The following GSS variants were observed in gnomAD, a reference collection of about 807,000 sequenced individuals.
GSS encodes GSH synthetase.
GSS carries 34 observed loss-of-function variants against 60.4 expected under a neutral mutation model. The ratio of observed to expected loss-of-function variants is 0.56; its 90% CI spans 0.43 to 0.75. GSS has a LOEUF of 0.75. Ranked by LOEUF, GSS falls within the 30% of genes least tolerant of loss-of-function variation. The pLI is 0.00. For synonymous variants in GSS, 224 were observed against 239.0 expected (o/e 0.94, Z 0.58); for missense variants, 499 against 595.1 (o/e 0.84, Z 1.68).
chr20:34,932,052 T>C lies in GSS; in HGVS notation c.916A>G (p.Lys306Glu), dbSNP rs1440600097. 2.2e-5 allele frequency: 35 copies of C among 1,614,010 alleles called. No individual in the cohort carries two copies. The highest frequency in any genetic ancestry group is 3.0e-5 in the Non-Finnish European group (35 of 1,180,004). ...DIATQLAGTKKVQQELSRPGM... is the reference protein window; with the variant it reads ...DIATQLAGTKEVQQELSRPGM... ...GGCCTGCTTAGCTCCTGCTGCACCT[T>C]CTTAGTCCCAGCCAGCTGGGTGGCA... Residue 306 changes from lysine (K) to glutamate (E), a missense_variant, in exon 10 of 13, where the codon AAG becomes GAG. By Grantham distance (56) the Lys-to-Glu change is moderately conservative (BLOSUM62 1). Coordinates refer to ENST00000651619, the MANE Select transcript of GSS (RefSeq NM_000178.4).
chr20:34,930,416 A>G (rs2081391899), intron 11 of GSS, among the ~76,000 whole-genome samples: 1 of 151,990 alleles, frequency 6.6e-6, no homozygotes, highest in East Asian at 1.9e-4. Flanking sequence ...CCTACTCCCA[A>G]TCAGGCAAAA....
chr20:34,952,921 G>A (rs950853578), intron 1 of GSS: 2 of 152,180 alleles, frequency 1.3e-5, no homozygotes, highest in African/African-American at 2.4e-5. Flanking sequence ...AAACCAGAAG[G>A]AATCTTAGTA....
chr20:34,955,989 G>C (rs764594987), upstream of GSS: 1 of 152,322 alleles, frequency 6.6e-6, no homozygotes, highest in Admixed American at 6.5e-5. Context: ...GGACCATCGG[G>C]GTCGGCGGGG....
rs1269355109 is a variant in GSS at position 34,935,704 on chromosome 20, A to G, written c.768-62T>C. The G allele has an allele frequency of 4.6e-6, 6 of 1,302,594 alleles. No individual in the cohort carries two copies. In the Admixed American group the frequency reaches 6.8e-5, roughly 15 times the overall value. The allele number at this position is 1,302,594 out of a possible 1,614,324, so 80.7% of individuals were successfully genotyped here. On this transcript the variant is annotated intron_variant, in intron 8 of 12. Coordinates refer to ENST00000651619, the MANE Select transcript of GSS (RefSeq NM_000178.4). The stretch of plus-strand genomic sequence containing the variant: ...TATAACTGATTTGTTCAGTGGTTCA[A>G]TCTATTTCAGGGTGCATCAAGATGA...
chr20:34,931,287 C>T (rs1478187888), intron 11 of GSS, 49 bp downstream of exon 11: 1 of 1,419,484 alleles, frequency 7.0e-7, no homozygotes, highest in African/African-American at 1.4e-5. Context: ...CTGGCCACAG[C>T]CTGCTAGTCC....
chr20:34,946,864 G>A (rs542453251), intron 2 of GSS: 3 of 152,272 alleles, frequency 2.0e-5, no homozygotes, highest in East Asian at 1.9e-4. Flanking sequence ...TATCATAGAC[G>A]AGAAACCCAA....
In GSS at chr20:34,928,712, C is replaced by T; in HGVS notation, c.*116G>A. The T allele has an allele frequency of 8.8e-7, 1 of 1,142,582 alleles. No individual in the cohort carries two copies. The highest frequency in any genetic ancestry group is 1.3e-6 in the Non-Finnish European group (1 of 770,086). 70.8% of individuals were successfully genotyped at this position (1,142,582 alleles called of 1,614,324 possible). ...TCAGATGGAAAGCTGGGGGAAGGTA[C>T]CAGTATTTACCCTTCCATAAAAACT... On this transcript the variant is annotated 3_prime_UTR_variant, in exon 13 of 13. Transcript: ENST00000651619.
At chr20:34,948,383 T>A (rs757650432) in intron 2 of GSS, among the ~76,000 whole-genome samples, 1 of 152,188 alleles carries the variant, frequency 6.6e-6, no homozygotes, top group African/African-American at 2.4e-5. Context: ...CCAGGGCTCA[T>A]TATGCCCTCC....
intron 1 of GSS, among the ~76,000 whole-genome samples, chr20:34,953,620 CTTT>C (rs748249699): frequency 6.4e-5 from 7 of 108,854 alleles, no homozygotes; most frequent in Admixed American, 1.9e-4. Flanking sequence ...CTCTTTCTTT[CTTT>C]TTTTTTTTTT....
chr20:34,953,420 T>C (rs2081584096), intron 1 of GSS, among the ~76,000 whole-genome samples: 1 of 152,098 alleles, frequency 6.6e-6, no homozygotes, highest in Non-Finnish European at 1.5e-5. Context: ...GAGTGAGACA[T>C]ACATGAGGGC....
chr20:34,946,218 T>C, intron 2 of GSS, 120 bp from the exon 3 acceptor site: 2 of 767,788 alleles, frequency 2.6e-6, no homozygotes, highest in Non-Finnish European at 4.2e-6. Flanking sequence ...CAACTGTAGA[T>C]TAGTGGTTAC....
chr20:34,946,806 C>T (rs1404233321), intron 2 of GSS: 1 of 152,162 alleles, frequency 6.6e-6, no homozygotes, highest in African/African-American at 2.4e-5. Context: ...GATGGTGACT[C>T]AGGTTAACAG....
At position 34,931,980 on chromosome 20, in the gene GSS, G is replaced by A. The variant is rs148640446; in HGVS notation, c.988C>T (p.Arg330Cys). 9.9e-4 allele frequency: 1,594 copies of A among 1,614,144 alleles called. No homozygotes were observed. Among genetic ancestry groups the A allele is most frequent in the Admixed American group, 2.3e-3 (141 of 60,022 alleles). ...AGGCCAGCAAAGGTGGCGCGGAGGC[G>A]GGCCACAGCCTCAGGCTGGCCAGGG... ...LLPGQPEAVA[R>C]LRATFAGLYS... Residue 330 changes from arginine to cysteine, a missense_variant, in exon 10 of 13, where the codon CGC (arginine) becomes TGC (cysteine). Coordinates refer to ENST00000651619, the MANE Select transcript of GSS (RefSeq NM_000178.4).
chr20:34,935,139 A>C (rs1719407862), intron 9 of GSS, among the ~76,000 whole-genome samples: 1 of 152,236 alleles, frequency 6.6e-6, no homozygotes, highest in South Asian at 2.1e-4. Flanking sequence ...GTGGAAACTA[A>C]TGAAACTACA....
chr20:34,931,388 C>T lies in GSS; in HGVS notation c.1059G>A (p.Glu353=), dbSNP rs139120783. The T allele has an allele frequency of 2.3e-5, 37 of 1,614,222 alleles. No homozygotes were observed. The highest frequency in any genetic ancestry group is 2.2e-4 in the Admixed American group (13 of 60,034). ...VGEEGDQAIA[E]ALAAPSRFVL... ...CAAACCGGCTAGGGGCAGCAAGGGC[C>T]TCGGCGATGGCCTGGTCCCCTTCTT... Residue 353 remains glutamate (E), a synonymous_variant, in exon 11 of 13, where the codon GAG becomes GAA. Transcript: ENST00000651619.
chr20:34,941,975 C>T (rs539122701), intron 5 of GSS, 146 bp from the exon 6 acceptor site: 5 of 714,582 alleles, frequency 7.0e-6, no homozygotes, highest in African/African-American at 6.9e-5. Flanking sequence ...AGATCCACTT[C>T]AGGTTGGAAT....
intron 11 of GSS, among the ~76,000 whole-genome samples, chr20:34,930,485 T>C (rs1052213475): frequency 6.6e-6 from 1 of 152,096 alleles, no homozygotes; most frequent in African/African-American, 2.4e-5. Context: ...ATCTAGGACA[T>C]GTCTCTCCAG....
intron 2 of GSS, among the ~76,000 whole-genome samples, chr20:34,949,136 TGGAG>T (rs1279224756): frequency 6.6e-6 from 1 of 152,228 alleles, no homozygotes; most frequent in Non-Finnish European, 1.5e-5. Context: ...AAACAGTGGC[TGGAG>T]GAAGGGGACT....
chr20:34,931,728 T>C (rs2081402959), intron 10 of GSS: 4 of 626,580 alleles, frequency 6.4e-6, no homozygotes, highest in Non-Finnish European at 8.5e-6. Flanking sequence ...CTACCTTTGC[T>C]GAGGGAGCTT....
Sources: gnomAD v4.1 joint callset for allele counts (sites outside exome capture counted in the v4.1 genomes callset) on GRCh38, gnomAD v4.1.1 for gene constraint, MANE v1.5 for transcripts, NCBI Gene and HGNC (gene_info 2026-07-23, HGNC 2026-07-21) for gene names.